PKD1L3: variants seen among roughly 807,000 people sequenced by gnomAD.
PKD1L3 encodes polycystin-1-like protein 3.
Under a neutral mutation model 184.1 loss-of-function variants are expected in PKD1L3, and 239 were observed. That is an observed-to-expected ratio of 1.30 (90% CI 1.17 to 1.45). The LOEUF (loss-of-function observed/expected upper bound fraction) is 1.45. Ranked by LOEUF, PKD1L3 falls within the 40% of genes most tolerant of loss-of-function variation. The probability of loss-of-function intolerance (pLI) is 0.00; values close to 1 mark genes in which losing one functional copy is unlikely to be tolerated. For missense variants in PKD1L3, 2,660 were observed against 2,067.2 expected, an observed-to-expected ratio of 1.29 and a Z score of -5.56; for synonymous variants, 996 against 778.8, an observed-to-expected ratio of 1.28 and a Z score of -4.64.
In PKD1L3 at chr16:71,974,864, G is replaced by A. The variant is rs149183125; in HGVS notation, c.1760-1347C>T. Among the ~76,000 whole-genome samples, 42 of 152,288 alleles carry A rather than the reference G, an allele frequency of 2.8e-4. No homozygotes were observed. The East Asian group carries it at 7.3e-3, about 27-fold the overall frequency. ...GAGTGGTGCCCATGCGAGAGCCAGA[G>A]AAAGTTCTTTCCAGTATGGAAGGTG... On this transcript the variant is annotated intron_variant, in intron 11 of 29. Coordinates refer to ENST00000620267, the MANE Select transcript of PKD1L3 (RefSeq NM_181536.2).
rs1034915718 is a variant in PKD1L3 at position 71,933,915 on chromosome 16, G to A, written c.4824C>T (p.Ala1608=). 1.7e-5 allele frequency: 27 copies of A among 1,550,572 alleles called. No individual in the cohort carries two copies. The Admixed American group carries it at 3.7e-4, about 21-fold the overall frequency. The change falls in exon 27 of 30, where the codon GCC becomes GCT. Residue 1608 remains alanine, a splice_region_variant and synonymous_variant. Coordinates refer to ENST00000620267, the MANE Select transcript of PKD1L3 (RefSeq NM_181536.2). ...ILILLTGYAI[A]FNLLFGCSIS... is the part of the protein sequence containing the mutation. ...GAGAGACAGCAACGTGGGGGCTTAC[G>A]GCAATGGCATAGCCTGTCAGCAGGA...
chr16:71,948,054 C>A (rs2038688220), intron 21 of PKD1L3, among the ~76,000 whole-genome samples: 1 of 151,842 alleles, frequency 6.6e-6, no homozygotes, highest in Admixed American at 6.6e-5. Context: ...GTAGCTGGGA[C>A]TACAGGTGCA....
chr16:71,963,890 A>T (rs8053891), intron 15 of PKD1L3, among the ~76,000 whole-genome samples: 1 of 152,016 alleles, frequency 6.6e-6, no homozygotes, highest in Non-Finnish European at 1.5e-5. Context: ...ATGAATAGAT[A>T]AGTATGTATC....
chr16:71,955,899 T>A (rs929595121), intron 16 of PKD1L3, among the ~76,000 whole-genome samples: 1 of 152,122 alleles, frequency 6.6e-6, no homozygotes, highest in Admixed American at 6.6e-5. Context: ...TGATTGTAAG[T>A]CTCCTGAGGC....
intron 10 of PKD1L3, 113 bp from the exon 11 acceptor site, chr16:71,977,580 T>G (rs1178864709): frequency 3.8e-6 from 3 of 797,726 alleles, no homozygotes; most frequent in Non-Finnish European, 5.8e-6. Flanking sequence ...TTTTTTTTTT[T>G]GAGATGGGGT....
chr16:71,975,383 T>A (rs1284702325), intron 11 of PKD1L3, among the ~76,000 whole-genome samples: 1 of 152,160 alleles, frequency 6.6e-6, no homozygotes, highest in Non-Finnish European at 1.5e-5. Context: ...TAATGTTATG[T>A]CTCAGAAATT....
Position 71,939,438 on chromosome 16 carries a change from A to G in PKD1L3, c.4325-2019T>C, listed in dbSNP as rs76144176. ...CGGCCACAGAGGTTTCTGGCTGGCA[A>G]AGCAACACCCTAAGGATGCTGTGAC... On this transcript the variant is annotated intron_variant, in intron 24 of 29. Coordinates refer to ENST00000620267, the MANE Select transcript of PKD1L3 (RefSeq NM_181536.2). Among the ~76,000 whole-genome samples, 61 of 152,336 alleles carry G rather than the reference A, an allele frequency of 4.0e-4. 2 individuals are homozygous for G. In the East Asian group the frequency reaches 0.011, roughly 28 times the overall value.
In PKD1L3 at chr16:71,999,813, C is replaced by G. The variant is rs915595971; in HGVS notation, c.166G>C (p.Gly56Arg). The change falls in exon 1 of 30, where the codon GGA (glycine) becomes CGA (arginine). Residue 56 changes from glycine (G) to arginine (R), a missense_variant. Physicochemically the swap from Gly to Arg is moderately radical, Grantham distance 125. Transcript: ENST00000620267. ...TTGTTCCAAATATGAGCTAGGAATC[C>G]TCTCTGCACATGACAGTAATGCTGT... ...EAQHYCHVQR[G>R]FLAHIWNKEV... is the part of the protein sequence containing the mutation. The G allele has an allele frequency of 1.7e-5, 27 of 1,551,672 alleles. No individual in the cohort carries two copies. Among genetic ancestry groups the G allele is most frequent in the Non-Finnish European group, 2.4e-5 (27 of 1,146,978 alleles).
intron 5 of PKD1L3, among the ~76,000 whole-genome samples, chr16:71,984,409 A>C (rs1352744999): frequency 6.6e-6 from 1 of 152,248 alleles, no homozygotes; most frequent in Non-Finnish European, 1.5e-5. Flanking sequence ...CCAAGGGCAA[A>C]TGAGTCTGGA....
intron 4 of PKD1L3, among the ~76,000 whole-genome samples, chr16:71,989,363 G>A (rs565105290): frequency 6.6e-6 from 1 of 152,334 alleles, no homozygotes; most frequent in East Asian, 1.9e-4. Context: ...ATGTTGGCCA[G>A]GCTGGTCTCG....
At position 71,942,870 on chromosome 16, in the gene PKD1L3, G is replaced by GT; in HGVS notation, c.4013_4014insA (p.Leu1339ProfsTer4). ...AATCCCCATACAGGCTAGGAAGAAG[G>GT]ATATGATTGGCCCAGGGGTAGAAAT... On this transcript the variant is annotated frameshift_variant, in exon 24 of 30. Transcript: ENST00000620267. LOFTEE classifies it high-confidence loss of function. The GT allele has an allele frequency of 6.4e-7, 1 of 1,551,630 alleles. No individual in the cohort carries two copies. The highest frequency in any genetic ancestry group is 8.7e-7 in the Non-Finnish European group (1 of 1,146,962).
chr16:71,933,517 T>C lies in PKD1L3; in HGVS notation c.4829A>G (p.Asn1610Ser). 1 of 1,550,050 alleles carries C rather than the reference T, an allele frequency of 6.5e-7. No homozygotes were observed. The highest frequency in any genetic ancestry group is 8.7e-7 in the Non-Finnish European group (1 of 1,145,306). The change falls in exon 28 of 30, where the codon AAC becomes AGC. Residue 1610 changes from asparagine (N) to serine (S), a missense_variant. By Grantham distance (46) the Asn-to-Ser change is conservative. Coordinates refer to ENST00000620267, the MANE Select transcript of PKD1L3 (RefSeq NM_181536.2). ...AGAGATGCTGCATCCAAACAGCAGGTTAAACTGAACAGAAGGAGAAAGGCC... is the reference window on the plus strand; with the variant it reads ...AGAGATGCTGCATCCAAACAGCAGGCTAAACTGAACAGAAGGAGAAAGGCC... ...ILLTGYAIAF[N>S]LLFGCSISDY...
chr16:71,934,004 C>T lies in PKD1L3; in HGVS notation c.4735G>A (p.Val1579Ile), dbSNP rs1386220997. 1.3e-5 allele frequency: 20 copies of T among 1,551,592 alleles called. No homozygotes were observed. The highest frequency in any genetic ancestry group is 1.2e-4 in the Admixed American group (6 of 50,974). Residue 1579 changes from valine (V) to isoleucine (I), a missense_variant, in exon 27 of 30, where the codon GTC becomes ATC. Physicochemically the swap from Val to Ile is conservative, Grantham distance 29. Transcript: ENST00000620267. ...NLLRHSPRLR[V>I]ISRTLSRAWD... ...GCTCGGCTCAGTGTCCTGCTGATGACCCGCAGCCTGGGGCTATGACGCAGC... is the reference window on the plus strand; with the variant it reads ...GCTCGGCTCAGTGTCCTGCTGATGATCCGCAGCCTGGGGCTATGACGCAGC...
chr16:71,969,820 T>G, intron 13 of PKD1L3, 55 bp downstream of exon 13: 1 of 1,452,742 alleles, frequency 6.9e-7, no homozygotes, highest in South Asian at 1.3e-5. Context: ...TTCCTTCATC[T>G]TATTTAATTA....
At chr16:71,983,033 A>C (rs1012458034) in intron 6 of PKD1L3, among the ~76,000 whole-genome samples, 6 of 152,258 alleles carry the variant, frequency 3.9e-5, no homozygotes, top group African/African-American at 1.4e-4. Flanking sequence ...GGGAGGATTC[A>C]TATTTCATGT....
chr16:71,954,082 C>T (rs1411658883), intron 17 of PKD1L3, 23 bp downstream of exon 17: 3 of 1,466,732 alleles, frequency 2.0e-6, no homozygotes. Context: ...CTACAAACAA[C>T]ACACATCAGG....
At chr16:71,989,029 C>T (rs1402639957) in intron 4 of PKD1L3, among the ~76,000 whole-genome samples, 1 of 152,192 alleles carries the variant, frequency 6.6e-6, no homozygotes, top group Non-Finnish European at 1.5e-5. Context: ...TTGCACCTGC[C>T]ATTTTTCAAA....
chr16:72,000,119 T>A lies in PKD1L3; in HGVS notation c.-141A>T. Reference sequence around the variant, plus strand: ...TTTACCAAGGATACAAAAGGTTTTGTTTTGAGGACCCAGGTGCAGGTCCTA... The same window carrying A: ...TTTACCAAGGATACAAAAGGTTTTGATTTGAGGACCCAGGTGCAGGTCCTA... On this transcript the variant is annotated 5_prime_UTR_variant, in exon 1 of 30. Transcript: ENST00000620267. 1 of 696,498 alleles carries A rather than the reference T, an allele frequency of 1.4e-6. No individual in the cohort carries two copies. Among genetic ancestry groups the A allele is most frequent in the Non-Finnish European group, 2.1e-6 (1 of 470,518 alleles). 43.1% of individuals were successfully genotyped at this position (696,498 alleles called of 1,614,324 possible).
Position 71,984,107 on chromosome 16 carries a change from T to C in PKD1L3, c.895A>G (p.Lys299Glu), listed in dbSNP as rs2040269275. Residue 299 changes from lysine (K) to glutamate (E), a missense_variant, in exon 6 of 30, where the codon AAA (lysine) becomes GAA (glutamate). Lys to Glu is a moderately conservative substitution (Grantham distance 56). Transcript: ENST00000620267. ...RAVHGLQALN[K>E]LQEACEFLQK... ...AGGAACTCACAAGCTTCCTGTAGTT[T>C]GTTAAGAGCTTGCAAACCATGAACT... 1.3e-6 allele frequency: 2 copies of C among 1,552,162 alleles called. No homozygotes were observed. Among genetic ancestry groups the C allele is most frequent in the Non-Finnish European group, 1.7e-6 (2 of 1,147,064 alleles).
Sources: allele counts gnomAD v4.1 joint callset (sites outside exome capture counted in the v4.1 genomes callset), GRCh38; gene constraint gnomAD v4.1.1; transcripts MANE v1.5; gene names NCBI Gene and HGNC (gene_info 2026-07-23, HGNC 2026-07-21).